The following HNMT variants were observed in gnomAD, a reference collection of about 807,000 sequenced individuals.
HNMT encodes histamine N-methyltransferase.
HNMT carries 30 observed loss-of-function variants against 32.1 expected under a neutral mutation model. That is an observed-to-expected ratio of 0.93 (90% confidence interval 0.70 to 1.27). HNMT has a LOEUF of 1.27. HNMT is among the 50% of genes most tolerant of loss of function. HNMT has a pLI of 0.00. For synonymous variants in HNMT, 125 were observed against 119.0 expected (o/e 1.05, Z -0.33); for missense variants, 327 against 346.0 (o/e 0.95, Z 0.43).
intron 2 of HNMT, among the ~76,000 whole-genome samples, chr2:137,992,830 C>G (rs751283931): frequency 1.3e-5 from 2 of 152,146 alleles, no homozygotes; most frequent in African/African-American, 2.4e-5. Flanking sequence ...GAAGAAGAAG[C>G]AGGCACTCAT....
In HNMT at chr2:138,014,152, T is replaced by C. The variant is rs970217938; in HGVS notation, c.*22T>C. ...ATAACTATCAATCACAAAAGTATAT[T>C]CAAAAATTATATTTTGAACAACTCG... On this transcript the variant is annotated 3_prime_UTR_variant, in exon 6 of 6. Transcript: ENST00000280097. 3 of 1,364,466 alleles carry C rather than the reference T, an allele frequency of 2.2e-6. No homozygotes were observed. The highest frequency in any genetic ancestry group is 3.0e-6 in the Non-Finnish European group (3 of 990,204). The allele number at this position is 1,364,466 out of a possible 1,614,324, so 84.5% of individuals were successfully genotyped here. A position where few individuals can be genotyped will look rare whatever the true frequency, so the allele number is the denominator to read the frequency against.
intron 2 of HNMT, among the ~76,000 whole-genome samples, chr2:137,992,697 A>G (rs1415047349): frequency 6.6e-6 from 1 of 152,150 alleles, no homozygotes; most frequent in Non-Finnish European, 1.5e-5. Context: ...GCACTGTGTT[A>G]AACAGGTTCT....
chr2:137,985,169 G>A (rs1490153845), intron 2 of HNMT, among the ~76,000 whole-genome samples: 1 of 151,132 alleles, frequency 6.6e-6, no homozygotes, highest in African/African-American at 2.4e-5. Context: ...CAAAATTGGT[G>A]TGTGCTAAAG....
chr2:137,964,498 T>C lies in HNMT; in HGVS notation c.7T>C (p.Ser3Pro). Residue 3 changes from serine (S) to proline (P), a missense_variant, in exon 1 of 6, where the codon TCT becomes CCT. Ser to Pro is a moderately conservative substitution (Grantham distance 74, BLOSUM62 -1). Transcript: ENST00000280097. ...CTTTCTCAGAAAACCAAATATGGCA[T>C]CTTCCATGAGGAGCTTGTTTTCTGA... MA[S>P]SMRSLFSDHG... 6.2e-7 allele frequency: 1 copy of C among 1,612,726 alleles called. No homozygotes were observed. Among genetic ancestry groups the C allele is most frequent in the Non-Finnish European group, 8.5e-7 (1 of 1,179,252 alleles).
chr2:137,977,957 C>T (rs1680336862), intron 2 of HNMT, among the ~76,000 whole-genome samples: 1 of 152,046 alleles, frequency 6.6e-6, no homozygotes. Flanking sequence ...AGCAATTGGC[C>T]TGGCCTTGCC....
intron 1 of HNMT, chr2:137,966,960 C>T (rs965436201): frequency 1.5e-5 from 10 of 666,436 alleles, no homozygotes; most frequent in Middle Eastern, 2.7e-4. Flanking sequence ...TAAGAGTGAA[C>T]GAGAGGTAAA....
chr2:137,992,767 C>A (rs185107317), intron 2 of HNMT, among the ~76,000 whole-genome samples: 18 of 152,306 alleles, frequency 1.2e-4, no homozygotes, highest in Admixed American at 1.1e-3. Flanking sequence ...ACACCCTATA[C>A]AGGAGTGCTC....
At chr2:138,005,108 A>G in intron 4 of HNMT, 24 bp from the exon 5 acceptor site, 1 of 1,293,916 alleles carries the variant, frequency 7.7e-7, no homozygotes, top group Non-Finnish European at 1.1e-6. Flanking sequence ...GAAGCAGCTC[A>G]TTTCTCTTTT....
chr2:138,002,863 GT>G (rs930506197), intron 4 of HNMT: 12 of 708,626 alleles, frequency 1.7e-5, no homozygotes, highest in Non-Finnish European at 2.1e-5. Context: ...GAGTGTTTCT[GT>G]AGTGGACATA....
chr2:138,005,197 T>C lies in HNMT; in HGVS notation c.495T>C (p.Asn165=), dbSNP rs542554499. The C allele has an allele frequency of 1.3e-6, 2 of 1,597,292 alleles. No individual in the cohort carries two copies. Among genetic ancestry groups the C allele is most frequent in the Admixed American group, 1.7e-5 (1 of 59,816 alleles). Residue 165 remains asparagine, a synonymous_variant, in exon 5 of 6, where the codon AAT becomes AAC. Transcript: ENST00000280097. The part of the protein sequence containing the change: ...LKFFHSLLGT[N]AKMLIIVVSG... Reference sequence around the variant, plus strand: ...TCTTCCATAGTCTCTTAGGTACCAATGCTAAGATGCTCATTATTGTTGTGT... The same window carrying C: ...TCTTCCATAGTCTCTTAGGTACCAACGCTAAGATGCTCATTATTGTTGTGT...
intron 4 of HNMT, 90 bp downstream of exon 4, chr2:138,002,284 G>A: frequency 8.8e-7 from 1 of 1,131,880 alleles, no homozygotes; most frequent in Non-Finnish European, 1.1e-6. Flanking sequence ...TTTTTAAAAG[G>A]TAAATGAAAA....
chr2:138,009,430 C>A lies in HNMT; in HGVS notation c.523+4205C>A, dbSNP rs11890575. On this transcript the variant is annotated intron_variant, in intron 5 of 5. Coordinates refer to ENST00000280097, the MANE Select transcript of HNMT (RefSeq NM_006895.3). ...AATCCCTTTTGTTCTATTTCTATCA[C>A]CTAGATAAACCTGTGCACACATGAA... Among the ~76,000 whole-genome samples, 1,152 of 152,026 alleles carry A rather than the reference C, an allele frequency of 7.6e-3. 14 individuals carry two copies. Among genetic ancestry groups the A allele is most frequent in the African/African-American group, 0.027 (1,103 of 41,506 alleles).
At chr2:137,974,315 A>G (rs1427913172) in intron 2 of HNMT, among the ~76,000 whole-genome samples, 1 of 152,158 alleles carries the variant, frequency 6.6e-6, no homozygotes, top group East Asian at 1.9e-4. Context: ...AATTGTTTTT[A>G]GGTTTTGAGA....
At chr2:137,970,868 C>A (rs1680103493) in intron 2 of HNMT, among the ~76,000 whole-genome samples, 2 of 141,298 alleles carry the variant, frequency 1.4e-5, no homozygotes, top group African/African-American at 5.4e-5. Flanking sequence ...TGCAGTGAGC[C>A]GAGATCGCGC....
intron 2 of HNMT, among the ~76,000 whole-genome samples, chr2:137,976,383 G>A (rs1321459186): frequency 1.3e-5 from 2 of 152,014 alleles, no homozygotes. Context: ...ATACTTTACA[G>A]ATATGTTATG....
chr2:137,968,386 C>T lies in HNMT; in HGVS notation c.138-1779C>T, dbSNP rs187835311. Among the ~76,000 whole-genome samples, 322 of 152,214 alleles carry T rather than the reference C, an allele frequency of 2.1e-3. 2 individuals are homozygous for T. The highest frequency in any genetic ancestry group is 6.9e-3 in the African/African-American group (287 of 41,534). ...AATTCACATAAATCACTTACATGTACCTAGAATCATAATAATTGCTAATAT... is the reference window on the plus strand; with the variant it reads ...AATTCACATAAATCACTTACATGTATCTAGAATCATAATAATTGCTAATAT... On this transcript the variant is annotated intron_variant, in intron 1 of 5. Coordinates refer to ENST00000280097, the MANE Select transcript of HNMT (RefSeq NM_006895.3).
chr2:138,010,440 C>CAT (rs56380526), intron 5 of HNMT, among the ~76,000 whole-genome samples: 1 of 94,250 alleles, frequency 1.1e-5, no homozygotes, highest in East Asian at 3.0e-4. Context: ...AAAAGACACA[C>CAT]GCACACACAC....
intron 2 of HNMT, among the ~76,000 whole-genome samples, chr2:137,995,731 C>T (rs1680972628): frequency 6.6e-6 from 1 of 152,052 alleles, no homozygotes; most frequent in Non-Finnish European, 1.5e-5. Flanking sequence ...AAACTTCAGG[C>T]CAGTATCTCT....
intron 2 of HNMT, among the ~76,000 whole-genome samples, chr2:137,982,128 C>T (rs1680521413): frequency 6.6e-6 from 1 of 152,196 alleles, no homozygotes; most frequent in African/African-American, 2.4e-5. Flanking sequence ...GGATTACAGG[C>T]AGGAGCCACT....
Sources: allele counts gnomAD v4.1 joint callset (sites outside exome capture counted in the v4.1 genomes callset), GRCh38; gene constraint gnomAD v4.1.1; transcripts MANE v1.5; gene names NCBI Gene and HGNC (gene_info 2026-07-23, HGNC 2026-07-21).